RYR1: variants seen among roughly 807,000 people sequenced by gnomAD.
RYR1 encodes central core disease of muscle.
Under a neutral mutation model 583.5 loss-of-function variants are expected in RYR1, and 342 were observed. The ratio of observed to expected loss-of-function variants is 0.59; its 90% CI spans 0.54 to 0.64. The LOEUF is 0.64. Among genes scored for constraint, RYR1 ranks in the 30% least tolerant of loss-of-function variants. RYR1 has a pLI of 0.00. For synonymous variants in RYR1, 2,791 were observed against 2,822.5 expected (o/e 0.99, Z 0.35); for missense variants, 6,032 against 6,917.2 (o/e 0.87, Z 4.54).
At chr19:38,545,586 G>C (rs1972388310) in intron 87 of RYR1, among the ~76,000 whole-genome samples, 1 of 152,154 alleles carries the variant, frequency 6.6e-6, no homozygotes, top group Non-Finnish European at 1.5e-5. Context: ...CCCTAGGCGG[G>C]CAGATCACCT....
In RYR1 at chr19:38,485,618, C is replaced by T. The variant is rs371777056; in HGVS notation, c.4963C>T (p.Arg1655Cys). ...RCMDILELSERLDLQRFHSHT... is the reference protein window; with the variant it reads ...RCMDILELSECLDLQRFHSHT... ...CATGGACATCCTGGAGCTGTCGGAG[C>T]GCCTGGACCTGCAGCGCTTCCACTC... The change falls in exon 34 of 106, where the codon CGC becomes TGC. Residue 1655 changes from arginine to cysteine, a missense_variant. Arg to Cys is a radical substitution (Grantham distance 180, BLOSUM62 -3). Around this residue, in one of 11 missense-constraint regions of RYR1, gnomAD observed 2,627 missense variants for 2,961.3 expected, o/e 0.89. Transcript: ENST00000359596. The T allele has an allele frequency of 6.2e-6, 10 of 1,609,656 alleles. No individual in the cohort carries two copies. The African/African-American group carries it at 8.0e-5, about 13-fold the overall frequency.
rs375730104 is a variant in RYR1 at position 38,537,949 on chromosome 19, G to A, written c.11678G>A (p.Gly3893Glu). Reference protein sequence around the residue: ...LFRFLQLLCEGHNNDFQNYLR... With the variant: ...LFRFLQLLCEEHNNDFQNYLR... ...CGATTCCTACAATTGCTCTGTGAGG[G>A]GCACAATAATGGTGAGGAGGAGGGG... The change falls in exon 84 of 106, where the codon GGG becomes GAG. Residue 3893 changes from glycine (G) to glutamate (E), a missense_variant. Gly to Glu is a moderately conservative substitution (Grantham distance 98, BLOSUM62 -2). This residue lies in a region of RYR1 where 1,493 missense variants were observed against 1,715.5 expected (regional missense o/e 0.87). Coordinates refer to ENST00000359596, the MANE Select transcript of RYR1 (RefSeq NM_000540.3). 1.2e-6 allele frequency: 2 copies of A among 1,614,006 alleles called. No individual in the cohort carries two copies. Among genetic ancestry groups the A allele is most frequent in the African/African-American group, 1.3e-5 (1 of 75,032 alleles).
intron 94 of RYR1, among the ~76,000 whole-genome samples, 162 bp downstream of exon 94, chr19:38,570,855 C>T (rs548719691): frequency 6.6e-6 from 1 of 152,144 alleles, no homozygotes; most frequent in African/African-American, 2.4e-5. Flanking sequence ...CCTGGGACCC[C>T]CCTCCATGGG....
At chr19:38,515,997 T>A in intron 64 of RYR1, 90 bp from the exon 65 acceptor site, 1 of 1,470,702 alleles carries the variant, frequency 6.8e-7, no homozygotes, top group Non-Finnish European at 9.1e-7. Context: ...CAAAGGGTTC[T>A]GGGAGGAGCC....
At position 38,565,747 on chromosome 19, in the gene RYR1, TC is replaced by T. The variant is rs2145847760; in HGVS notation, c.13416del (p.Ile4473SerfsTer78). On this transcript the variant is annotated frameshift_variant, in exon 91 of 106. Coordinates refer to ENST00000359596, the MANE Select transcript of RYR1 (RefSeq NM_000540.3). LOFTEE classifies it high-confidence loss of function. The surrounding 1 kb of genome is among the most constrained non-coding windows in gnomAD (Gnocchi z 4.7). ...CGGAACCGCCCACACCCGAGGGCTC[TC>T]CCATCCTCAAGAGGAAATTGGGGGT... ...PAEPPTPEGS[P>X]ILKRKLGVDG... is the part of the protein sequence containing the mutation. 1.1e-5 allele frequency: 15 copies of T among 1,420,212 alleles called. No individual in the cohort carries two copies. Among genetic ancestry groups the T allele is most frequent in the Non-Finnish European group, 1.4e-5 (15 of 1,094,818 alleles). 88.0% of individuals were successfully genotyped at this position (1,420,212 alleles called of 1,614,324 possible).
At chr19:38,509,557 T>C (rs924978830) in intron 58 of RYR1, among the ~76,000 whole-genome samples, 4 of 150,666 alleles carry the variant, frequency 2.7e-5, no homozygotes, top group Non-Finnish European at 3.0e-5. Flanking sequence ...ATTCACGCCA[T>C]TCTCCTGCCT....
intron 61 of RYR1, 133 bp from the exon 62 acceptor site, chr19:38,511,939 T>TG: frequency 9.6e-7 from 1 of 1,042,100 alleles, no homozygotes; most frequent in Non-Finnish European, 1.4e-6. Flanking sequence ...TCTGGGGGGG[T>TG]GGGGGTGCAG....
At chr19:38,441,271 G>T (rs1298937989) in intron 2 of RYR1, among the ~76,000 whole-genome samples, 2 of 151,272 alleles carry the variant, frequency 1.3e-5, no homozygotes, top group Non-Finnish European at 2.9e-5. Context: ...GCGTGGGGAG[G>T]GGGGGTAGGG....
At chr19:38,556,012 C>T (rs1278944489) in intron 89 of RYR1, among the ~76,000 whole-genome samples, 9 of 151,876 alleles carry the variant, frequency 5.9e-5, no homozygotes, top group African/African-American at 1.7e-4. Context: ...TACAGGCATG[C>T]GCCACCACAC....
At chr19:38,579,354 G>T (rs983046447) in intron 99 of RYR1, among the ~76,000 whole-genome samples, 3 of 151,452 alleles carry the variant, frequency 2.0e-5, no homozygotes, top group Admixed American at 2.0e-4. Context: ...GAACCCGGGA[G>T]GCGGAGGTTG....
Position 38,455,617 on chromosome 19 carries a change from C to G in RYR1, c.1673-16C>G. On this transcript the variant is annotated splice_polypyrimidine_tract_variant and intron_variant, in intron 15 of 105. Transcript: ENST00000359596. Reference sequence around the variant, plus strand: ...GGGCATGGCCGCTTCACCTCTCATTCTGGGCACCCTGGCAGGCATCCTGGA... The same window carrying G: ...GGGCATGGCCGCTTCACCTCTCATTGTGGGCACCCTGGCAGGCATCCTGGA... 6.2e-7 allele frequency: 1 copy of G among 1,610,324 alleles called. No homozygotes were observed. The highest frequency in any genetic ancestry group is 1.1e-5 in the South Asian group (1 of 91,002).
intron 99 of RYR1, among the ~76,000 whole-genome samples, chr19:38,579,188 G>A (rs945294765): frequency 2.0e-5 from 3 of 152,132 alleles, no homozygotes; most frequent in Admixed American, 6.6e-5. Context: ...TGGGTTGGGA[G>A]GCCGAGGTGG....
chr19:38,473,889 T>C, intron 28 of RYR1, 118 bp downstream of exon 28: 1 of 730,670 alleles, frequency 1.4e-6, no homozygotes, highest in Non-Finnish European at 2.2e-6. Context: ...ATATGCTAAG[T>C]GGAGTAAGAA....
At chr19:38,458,503 C>G (rs765826801) in intron 18 of RYR1, among the ~76,000 whole-genome samples, 23 of 152,250 alleles carry the variant, frequency 1.5e-4, no homozygotes, top group Non-Finnish European at 2.5e-4. Context: ...AACTCTGATC[C>G]CAGAGTAGGT....
Position 38,463,413 on chromosome 19 carries a change from C to T in RYR1, c.2578-10C>T, listed in dbSNP as rs772187203. 3.1e-6 allele frequency: 5 copies of T among 1,613,106 alleles called. No individual in the cohort carries two copies. Among genetic ancestry groups the T allele is most frequent in the Non-Finnish European group, 3.4e-6 (4 of 1,179,456 alleles). ...ACCTTGGGGTCTCAAGAACGTCCCT[C>T]TGCCTCTAGATTGTCCTGCCGCCCC... On this transcript the variant is annotated splice_polypyrimidine_tract_variant and intron_variant, in intron 20 of 105. Coordinates refer to ENST00000359596, the MANE Select transcript of RYR1 (RefSeq NM_000540.3).
rs762397196 is a variant in RYR1 at position 38,473,420 on chromosome 19, G to C, written c.3809G>C (p.Arg1270Pro). 1.9e-6 allele frequency: 3 copies of C among 1,613,722 alleles called. No individual in the cohort carries two copies. The African/African-American group carries it at 4.0e-5, about 22-fold the overall frequency. ...ACTGTGGACACGCCCCCCTGCCTGC[G>C]CCTGACCCACCGCACCTGGGGCTCC... is the stretch of plus-strand genomic sequence containing the variant. Reference protein sequence around the residue: ...DGTVDTPPCLRLTHRTWGSQN... With the variant: ...DGTVDTPPCLPLTHRTWGSQN... Residue 1270 changes from arginine (R) to proline (P), a missense_variant, in exon 28 of 106, where the codon CGC becomes CCC. Physicochemically the swap from Arg to Pro is moderately radical, Grantham distance 103. Coordinates refer to ENST00000359596, the MANE Select transcript of RYR1 (RefSeq NM_000540.3).
rs34123361 is a variant in RYR1 at position 38,458,617 on chromosome 19, T to A, written c.2167+325T>A. On this transcript the variant is annotated intron_variant, in intron 18 of 105. Transcript: ENST00000359596. ...AATTTATTTATTTATTTATTTTGTTTGTTTGTTTGTTTGTTTGTTTATTTT... is the reference window on the plus strand; with the variant it reads ...AATTTATTTATTTATTTATTTTGTTAGTTTGTTTGTTTGTTTGTTTATTTT... Among the ~76,000 whole-genome samples the A allele has an allele frequency of 0.62, 90,838 of 147,496 alleles. 28,723 individuals are homozygous for A. The highest frequency in any genetic ancestry group is 0.7 in the Middle Eastern group (204 of 292).
chr19:38,475,857 A>T (rs1968696226), intron 29 of RYR1, among the ~76,000 whole-genome samples: 1 of 152,236 alleles, frequency 6.6e-6, no homozygotes, highest in Non-Finnish European at 1.5e-5. Flanking sequence ...ATTTCCCCAA[A>T]TCCAAAATAT....
intron 38 of RYR1, 38 bp downstream of exon 38, chr19:38,492,674 G>T: frequency 6.5e-7 from 1 of 1,550,228 alleles, no homozygotes. Flanking sequence ...GCAGGGGTGG[G>T]GTGGGTAGCC....
Sources: allele counts gnomAD v4.1 joint callset (sites outside exome capture counted in the v4.1 genomes callset), GRCh38; gene constraint gnomAD v4.1.1; regional missense constraint gnomAD v4.1.1; non-coding constraint Gnocchi (gnomAD v3.1); transcripts MANE v1.5; gene names NCBI Gene and HGNC (gene_info 2026-07-23, HGNC 2026-07-21).